Variants in TXNRD2 observed in about 807,000 individuals in gnomAD.
The protein encoded by TXNRD2 is thioredoxin reductase 2, also known as thioredoxin reductase 2, mitochondrial.
In TXNRD2, 67 loss-of-function variants were observed where a neutral mutation model predicts 70.8. The ratio of observed to expected loss-of-function variants is 0.95; its 90% CI spans 0.78 to 1.16. TXNRD2 has a LOEUF of 1.16. Ranked by LOEUF, TXNRD2 falls within the 50% of genes most tolerant of loss-of-function variation. TXNRD2 has a pLI of 0.00. For synonymous variants in TXNRD2, 301 were observed against 295.8 expected (o/e 1.02, Z -0.18); for missense variants, 644 against 719.9 (o/e 0.89, Z 1.21).
At chr22:19,903,001 T>C (rs764849612) in intron 8 of TXNRD2, 1 of 518,788 alleles carries the variant, frequency 1.9e-6, no homozygotes, top group Non-Finnish European at 3.8e-6. Context: ...CAGGCAGCCT[T>C]AAACCAGCCC....
intron 16 of TXNRD2, 98 bp from the exon 17 acceptor site, chr22:19,877,332 G>T: frequency 1.7e-6 from 2 of 1,145,914 alleles, no homozygotes; most frequent in Non-Finnish European, 1.3e-6. Context: ...GAGGCTGCTG[G>T]TCTCCTCACT....
At position 19,941,743 on chromosome 22, in the gene TXNRD2, C is replaced by T; in HGVS notation, c.61G>A (p.Ala21Thr). The change falls in exon 1 of 18, where the codon GCC (alanine) becomes ACC (threonine). Residue 21 changes from alanine to threonine, a missense_variant. This residue lies in a region of TXNRD2 where 71 missense variants were observed against 53.6 expected (regional missense o/e 1.33). Transcript: ENST00000400521. ...LGGRFRWRTQ[A>T]VAGGVRGAAR... ...GCGCCCCGCACCCCGCCCGCCACGGCCTGCGTCCGCCACCGGAAGCGCCCT... is the reference window on the plus strand; with the variant it reads ...GCGCCCCGCACCCCGCCCGCCACGGTCTGCGTCCGCCACCGGAAGCGCCCT... 6.7e-7 allele frequency: 1 copy of T among 1,497,812 alleles called. No individual in the cohort carries two copies. Among genetic ancestry groups the T allele is most frequent in the Non-Finnish European group, 8.8e-7 (1 of 1,131,458 alleles). 92.8% of individuals were successfully genotyped at this position (1,497,812 alleles called of 1,614,324 possible). A position where few individuals can be genotyped will look rare whatever the true frequency, so the allele number is the denominator to read the frequency against.
At chr22:19,895,373 C>G in intron 11 of TXNRD2, 34 bp downstream of exon 11, 5 of 1,613,430 alleles carry the variant, frequency 3.1e-6, no homozygotes, top group Non-Finnish European at 4.2e-6. Flanking sequence ...TCGGGGAGAC[C>G]AGAGACAGAG....
At chr22:19,920,487 G>A (rs1940856593) in intron 2 of TXNRD2, among the ~76,000 whole-genome samples, 1 of 152,140 alleles carries the variant, frequency 6.6e-6, no homozygotes, top group Non-Finnish European at 1.5e-5. Context: ...GGAGGCTGAG[G>A]CAAGAGAATC....
At chr22:19,921,837 A>C (rs1234235190) in intron 2 of TXNRD2, among the ~76,000 whole-genome samples, 1 of 152,330 alleles carries the variant, frequency 6.6e-6, no homozygotes, top group East Asian at 1.9e-4. Flanking sequence ...GACAGAGCCC[A>C]CACAGGGCAG....
chr22:19,919,072 A>T, intron 3 of TXNRD2, 68 bp from the exon 4 acceptor site: 1 of 1,534,182 alleles, frequency 6.5e-7, no homozygotes. Flanking sequence ...CTGTTCTTCT[A>T]GAGTGTTTGG....
At position 19,924,711 on chromosome 22, in the gene TXNRD2, G is replaced by C. The variant is rs1941054343; in HGVS notation, c.173-5112C>G. On this transcript the variant is annotated intron_variant, in intron 2 of 17. Coordinates refer to ENST00000400521, the MANE Select transcript of TXNRD2 (RefSeq NM_006440.5). ...TGGTGGGTTTGAAAACATAGGAATA[G>C]AAACTATCCAAAATGAAACGCAGAG... Among the ~76,000 whole-genome samples the C allele has an allele frequency of 2.0e-5, 3 of 152,276 alleles. No homozygotes were observed. In the South Asian group the frequency reaches 6.2e-4, roughly 32 times the overall value.
intron 1 of TXNRD2, among the ~76,000 whole-genome samples, chr22:19,937,073 G>C (rs1173269977): frequency 6.6e-6 from 1 of 152,100 alleles, no homozygotes; most frequent in Non-Finnish European, 1.5e-5. Flanking sequence ...AGGTCATTTT[G>C]CTTCCTATAG....
At chr22:19,926,028 T>G (rs1210786849) in intron 2 of TXNRD2, among the ~76,000 whole-genome samples, 1 of 151,302 alleles carries the variant, frequency 6.6e-6, no homozygotes, top group East Asian at 2.0e-4. Context: ...CCAGGCGTGG[T>G]GGTGCATGCC....
chr22:19,908,387 A>G (rs911333185), intron 8 of TXNRD2, among the ~76,000 whole-genome samples: 2 of 152,162 alleles, frequency 1.3e-5, no homozygotes, highest in Non-Finnish European at 2.9e-5. Context: ...TGTAAAGCGT[A>G]TAAGACCACC....
rs568957802 is a variant in TXNRD2, at chr22:19,909,065, G to T, written c.662+2312C>A. Among the ~76,000 whole-genome samples the T allele has an allele frequency of 6.6e-4, 101 of 152,124 alleles. 1 individual carries two copies. Among genetic ancestry groups the T allele is most frequent in the Middle Eastern group, 3.4e-3 (1 of 294 alleles). On this transcript the variant is annotated intron_variant, in intron 8 of 17. Coordinates refer to ENST00000400521, the MANE Select transcript of TXNRD2 (RefSeq NM_006440.5). ...ACTAAAAACACAAAAAATTAGCGGG[G>T]TGTGGTGGCAGACACCTGTAGTCCC...
In TXNRD2 at chr22:19,907,656, A is replaced by G. The variant is rs868085927; in HGVS notation, c.662+3721T>C. On this transcript the variant is annotated intron_variant, in intron 8 of 17. Transcript: ENST00000400521. ...CTCAGGAGAGTGTGGGCGCACCATG[A>G]GTAGCAGTGACCGCTCTCAGGAGAG... Among the ~76,000 whole-genome samples, 25 of 17,622 alleles carry G rather than the reference A, an allele frequency of 1.4e-3. 1 individual carries two copies. The highest frequency in any genetic ancestry group is 3.2e-3 in the East Asian group (2 of 620). The allele number at this position is 17,622 out of a possible 152,430, so 11.6% of individuals were successfully genotyped here.
At chr22:19,893,414 A>G (rs949800374) in intron 11 of TXNRD2, among the ~76,000 whole-genome samples, 8 of 152,248 alleles carry the variant, frequency 5.3e-5, no homozygotes, top group Non-Finnish European at 1.0e-4. Flanking sequence ...GGTGGGTAGG[A>G]CATCTGAGCA....
chr22:19,879,771 G>C (rs918298055), intron 14 of TXNRD2, among the ~76,000 whole-genome samples: 2 of 152,116 alleles, frequency 1.3e-5, no homozygotes, highest in East Asian at 3.9e-4. Flanking sequence ...GCTGGAGTGG[G>C]GCCAGTGCTC....
intron 10 of TXNRD2, among the ~76,000 whole-genome samples, chr22:19,895,837 T>C (rs1188329579): frequency 6.6e-6 from 1 of 152,170 alleles, no homozygotes; most frequent in East Asian, 1.9e-4. Context: ...TAGATGCTAA[T>C]TAACTAAGTC....
intron 11 of TXNRD2, among the ~76,000 whole-genome samples, chr22:19,893,317 A>G (rs2145963370): frequency 6.6e-6 from 1 of 152,208 alleles, no homozygotes. Flanking sequence ...AACTAACAAC[A>G]CTGACTAGGT....
At chr22:19,880,365 G>T (rs1466041949) in intron 13 of TXNRD2, 94 bp from the exon 14 acceptor site, 1 of 1,309,538 alleles carries the variant, frequency 7.6e-7, no homozygotes, top group East Asian at 2.5e-5. Flanking sequence ...TCACAGACCA[G>T]GACCAGATGC....
At chr22:19,912,454 G>T (rs35155059) in intron 7 of TXNRD2, among the ~76,000 whole-genome samples, 15,309 of 152,210 alleles carry the variant, frequency 0.1, 1,048 homozygotes, top group Non-Finnish European at 0.15. Flanking sequence ...GTCAGCAGCT[G>T]CCCGTGAGGT....
chr22:19,900,530 C>A (rs2145983386), intron 8 of TXNRD2, among the ~76,000 whole-genome samples: 1 of 152,268 alleles, frequency 6.6e-6, no homozygotes, highest in Non-Finnish European at 1.5e-5. Context: ...GCAGGCAGAT[C>A]ACGAGGTCAG....
Sources: gnomAD v4.1 joint callset for allele counts (sites outside exome capture counted in the v4.1 genomes callset) on GRCh38, gnomAD v4.1.1 for gene constraint, gnomAD v4.1.1 regional missense constraint, MANE v1.5 for transcripts, NCBI Gene and HGNC (gene_info 2026-07-23, HGNC 2026-07-21) for gene names.